MATCAP1: variants seen among roughly 807,000 people sequenced by gnomAD.
MATCAP1 encodes microtubule associated tyrosine carboxypeptidase 1, also known as microtubule-associated tyrosine carboxypeptidase 1.
the MATCAP1 span, chr16:67,181,462 G>A: frequency 6.6e-6 from 1 of 152,142 alleles, no homozygotes; most frequent in Non-Finnish European, 1.5e-5. Flanking sequence ...CCCTATCTGA[G>A]GGATCTTTCC....
chr16:67,178,171 T>C, the MATCAP1 span: 1 of 1,333,086 alleles, frequency 7.5e-7, no homozygotes, highest in East Asian at 3.4e-5. Context: ...ACCCCGGCTC[T>C]AGGCACCTCC....
chr16:67,180,703 G>T, the MATCAP1 span: 1 of 942,026 alleles, frequency 1.1e-6, no homozygotes, highest in Non-Finnish European at 1.5e-6. Flanking sequence ...ACCAGCATGA[G>T]TGGGTGTGAC....
chr16:67,176,540 C>T, the MATCAP1 span: 10 of 367,624 alleles, frequency 2.7e-5, no homozygotes, highest in East Asian at 1.7e-4. The surrounding 1 kb of genome is among the most constrained non-coding windows in gnomAD (Gnocchi z 4.3). Context: ...TCTCTTCCTG[C>T]CCCCATGCCT....
the MATCAP1 span, chr16:67,176,717 C>G: frequency 8.1e-7 from 1 of 1,229,598 alleles, no homozygotes; most frequent in African/African-American, 1.6e-5. This position sits in a 1 kb window ranked among gnomAD's most constrained non-coding sequence, Gnocchi z 4.3. Flanking sequence ...CAAGAAACAC[C>G]TAGGCCGTGG....
At chr16:67,179,170 G>A in the MATCAP1 span, 24,377 of 1,295,086 alleles carry the variant, frequency 0.019, 253 homozygotes, top group Non-Finnish European at 0.022. This position sits in a 1 kb window ranked among gnomAD's most constrained non-coding sequence, Gnocchi z 5.2. Flanking sequence ...GTTGGGAGAA[G>A]TCGGAGAGGA....
chr16:67,179,786 T>C, the MATCAP1 span: 1 of 1,612,516 alleles, frequency 6.2e-7, no homozygotes, highest in African/African-American at 1.3e-5. This position sits in a 1 kb window ranked among gnomAD's most constrained non-coding sequence, Gnocchi z 5.2. Flanking sequence ...TTGGGGCATG[T>C]AGAGGAAGGG....
the MATCAP1 span, chr16:67,178,132 C>T: frequency 5.4e-6 from 8 of 1,477,168 alleles, no homozygotes; most frequent in Admixed American, 3.6e-5. Flanking sequence ...GGGCGGTGAG[C>T]CCCGCCCCTC....
the MATCAP1 span, chr16:67,179,840 A>G: frequency 2.5e-6 from 4 of 1,614,092 alleles, no homozygotes; most frequent in African/African-American, 1.3e-5. The surrounding 1 kb of genome is among the most constrained non-coding windows in gnomAD (Gnocchi z 5.2). Context: ...CTCCTTCTGC[A>G]TGTATTTGCG....
At chr16:67,178,445 G>A in the MATCAP1 span, 4 of 1,535,946 alleles carry the variant, frequency 2.6e-6, no homozygotes, top group Non-Finnish European at 3.5e-6. Context: ...TACCGCAGCC[G>A]GCCCTCCGCG....
the MATCAP1 span, chr16:67,183,809 A>G: frequency 5.8e-6 from 1 of 172,386 alleles, no homozygotes; most frequent in South Asian, 1.2e-4. Flanking sequence ...GAGATCAGGA[A>G]AGGTCGCGTC....
chr16:67,183,649 AAGCCCCGGAGAGG>A, the MATCAP1 span: 1 of 153,158 alleles, frequency 6.5e-6, no homozygotes, highest in Admixed American at 6.5e-5. Context: ...GTGCGGAGAG[AAGCCCCGGAGAGG>A]ACAAGGTGAA....
chr16:67,178,350 G>A, the MATCAP1 span: 1 of 1,575,356 alleles, frequency 6.3e-7, no homozygotes, highest in Non-Finnish European at 8.6e-7. Context: ...GCAGTGCAGC[G>A]CGCCACAGGA....
the MATCAP1 span, chr16:67,179,432 A>C: frequency 6.2e-7 from 1 of 1,609,614 alleles, no homozygotes; most frequent in Non-Finnish European, 8.5e-7. The surrounding 1 kb of genome is among the most constrained non-coding windows in gnomAD (Gnocchi z 5.2). Context: ...ACCCTGACCT[A>C]TCTCATGCCG....
the MATCAP1 span, chr16:67,179,564 T>C: frequency 6.2e-7 from 1 of 1,612,104 alleles, no homozygotes. The surrounding 1 kb of genome is among the most constrained non-coding windows in gnomAD (Gnocchi z 5.2). Context: ...CACCACAACC[T>C]GCAGGTGGCA....
the MATCAP1 span, chr16:67,176,054 A>T: frequency 2.2e-4 from 16 of 71,596 alleles, no homozygotes; most frequent in South Asian, 6.0e-3. This position sits in a 1 kb window ranked among gnomAD's most constrained non-coding sequence, Gnocchi z 4.3. Flanking sequence ...GGCCTGAATC[A>T]GTGTGTGTGT....
At chr16:67,180,575 C>CT in the MATCAP1 span, 1 of 1,525,364 alleles carries the variant, frequency 6.6e-7, no homozygotes, top group African/African-American at 1.4e-5. Context: ...TGGGGGGTGC[C>CT]TGATCATACG....
chr16:67,179,626 T>A, the MATCAP1 span: 1 of 1,528,594 alleles, frequency 6.5e-7, no homozygotes, highest in Non-Finnish European at 9.0e-7. This position sits in a 1 kb window ranked among gnomAD's most constrained non-coding sequence, Gnocchi z 5.2. Flanking sequence ...GTGGACCCAA[T>A]GATGCCACAG....
At chr16:67,179,324 G>C in the MATCAP1 span, 1 of 1,511,502 alleles carries the variant, frequency 6.6e-7, no homozygotes, top group Non-Finnish European at 8.8e-7. The surrounding 1 kb of genome is among the most constrained non-coding windows in gnomAD (Gnocchi z 5.2). Context: ...CAGGAGGGAA[G>C]GGGGAGAAAC....
At chr16:67,178,309 A>T in the MATCAP1 span, 7 of 1,582,744 alleles carry the variant, frequency 4.4e-6, no homozygotes, top group Non-Finnish European at 6.0e-6. Flanking sequence ...ACGGAAGGAC[A>T]TGCGCGCGGC....
Sources: gnomAD v4.1 joint callset for allele counts on GRCh38, gnomAD v4.1.1 for gene constraint, Gnocchi (gnomAD v3.1) non-coding constraint, MANE v1.5 for transcripts, NCBI Gene and HGNC (gene_info 2026-07-23, HGNC 2026-07-21) for gene names.